TANC1: variants seen among roughly 807,000 people sequenced by gnomAD.
TANC1 encodes the protein protein TANC1.
In TANC1, 77 loss-of-function variants were observed where a neutral mutation model predicts 149.7. That is an observed-to-expected ratio of 0.51 (90% CI 0.43 to 0.62). The LOEUF (loss-of-function observed/expected upper bound fraction) is 0.62. Ranked by LOEUF, TANC1 falls within the 20% of genes least tolerant of loss-of-function variation. The probability of loss-of-function intolerance (pLI) is 0.00; values close to 1 mark genes in which losing one functional copy is unlikely to be tolerated. For missense variants in TANC1, 1,985 were observed against 2,321.8 expected (o/e 0.85, Z 2.98); for synonymous variants, 854 against 925.0 (o/e 0.92, Z 1.39).
chr2:159,025,213 C>CTTTCTTTCTTTCTT (rs915065038), intron 2 of TANC1, among the ~76,000 whole-genome samples: 1 of 132,234 alleles, frequency 7.6e-6, no homozygotes, highest in Non-Finnish European at 1.7e-5. Flanking sequence ...TTCTTTCTTT[C>CTTTCTTTCTTTCTT]TTTCTTTCTT....
chr2:159,175,496 G>A (rs6721087), intron 12 of TANC1, among the ~76,000 whole-genome samples: 103,441 of 152,138 alleles, frequency 0.68, 35,901 homozygotes, highest in East Asian at 0.95. Context: ...AGACTGTTGC[G>A]TATTTTGCAC....
intron 14 of TANC1, among the ~76,000 whole-genome samples, chr2:159,184,400 G>A (rs890029354): frequency 5.9e-5 from 9 of 152,282 alleles, no homozygotes; most frequent in African/African-American, 1.9e-4. Flanking sequence ...CAGAGAGGTG[G>A]GATGCCCTGT....
intron 2 of TANC1, among the ~76,000 whole-genome samples, chr2:159,005,531 T>G (rs1450989660): frequency 6.6e-6 from 1 of 152,156 alleles, no homozygotes; most frequent in Non-Finnish European, 1.5e-5. Flanking sequence ...GAGATTGCAG[T>G]GAGCTGAGAT....
intron 4 of TANC1, among the ~76,000 whole-genome samples, chr2:159,111,821 C>T (rs2047758217): frequency 6.6e-6 from 1 of 152,168 alleles, no homozygotes; most frequent in South Asian, 2.1e-4. Context: ...AGGCTTCTAT[C>T]TTGGGCTGTT....
At chr2:158,987,418 T>C (rs1573974475) in intron 1 of TANC1, among the ~76,000 whole-genome samples, 1 of 151,484 alleles carries the variant, frequency 6.6e-6, no homozygotes, top group Admixed American at 6.6e-5. Flanking sequence ...TCCAGCTACT[T>C]GGGTGGCTGG....
intron 7 of TANC1, among the ~76,000 whole-genome samples, chr2:159,159,203 T>C (rs1300864748): frequency 6.6e-6 from 1 of 152,090 alleles, no homozygotes; most frequent in Non-Finnish European, 1.5e-5. Context: ...CCTAGCACTT[T>C]AGGAGGCCAA....
intron 1 of TANC1, among the ~76,000 whole-genome samples, chr2:158,987,852 G>T (rs964041451): frequency 3.9e-5 from 6 of 152,148 alleles, no homozygotes; most frequent in African/African-American, 1.2e-4. Context: ...CTGAATCTTG[G>T]GCGGGAAGGT....
chr2:159,097,876 T>C (rs781185494), intron 4 of TANC1, 42 bp downstream of exon 4: 5 of 1,556,396 alleles, frequency 3.2e-6, no homozygotes, highest in Non-Finnish European at 4.4e-6. Context: ...ATATATGTAG[T>C]ACCTGCATTG....
At chr2:159,070,933 GA>G (rs2043105506) in intron 3 of TANC1, among the ~76,000 whole-genome samples, 3 of 152,090 alleles carry the variant, frequency 2.0e-5, no homozygotes, top group Admixed American at 2.0e-4. Flanking sequence ...TGGTCTCCAA[GA>G]AATGAAACAT....
chr2:159,230,234 C>G lies in TANC1; in HGVS notation c.4808C>G (p.Pro1603Arg), dbSNP rs200832873. ...GGCCACTTTGGGGATCGGCTGGGCC[C>G]CAGCCAGAATGTCCGCCTGCAGTGT... The part of the protein sequence containing the change: ...GCGHFGDRLG[P>R]SQNVRLQCGE... The change falls in exon 27 of 27, where the codon CCC becomes CGC. Residue 1603 changes from proline (P) to arginine (R), a missense_variant. This residue lies in a region of TANC1 where 920 missense variants were observed against 994.7 expected (regional missense o/e 0.92). Transcript: ENST00000263635. This position sits in a 1 kb window ranked among gnomAD's most constrained non-coding sequence, Gnocchi z 4.4. 6.8e-6 allele frequency: 11 copies of G among 1,613,844 alleles called. No homozygotes were observed. The highest frequency in any genetic ancestry group is 1.3e-5 in the African/African-American group (1 of 74,948).
At chr2:158,977,184 A>G (rs1483722197) in intron 1 of TANC1, among the ~76,000 whole-genome samples, 4 of 152,116 alleles carry the variant, frequency 2.6e-5, no homozygotes, top group Admixed American at 6.5e-5. Flanking sequence ...CTGTTGCCCA[A>G]GCTGGAGTAC....
intron 5 of TANC1, among the ~76,000 whole-genome samples, chr2:159,136,978 A>G (rs1486546125): frequency 6.6e-6 from 1 of 152,188 alleles, no homozygotes; most frequent in African/African-American, 2.4e-5. Flanking sequence ...GGAGTCCCCA[A>G]CTCACATCTC....
intron 22 of TANC1, among the ~76,000 whole-genome samples, chr2:159,222,664 G>A (rs1036823449): frequency 1.1e-4 from 16 of 152,148 alleles, no homozygotes; most frequent in Non-Finnish European, 1.8e-4. Flanking sequence ...TTGCTTCTAT[G>A]TTTTTTGCTG....
chr2:159,065,953 G>A lies in TANC1; in HGVS notation c.43G>A (p.Gly15Arg). 3.1e-6 allele frequency: 5 copies of A among 1,613,852 alleles called. No homozygotes were observed. The highest frequency in any genetic ancestry group is 3.4e-6 in the Non-Finnish European group (4 of 1,179,718). ...GAAGAAGAGCCGAGAGGGAGGAAAG[G>A]GAGGCAAGAAGGAAGCAGGTATGTG... Reference protein sequence around the residue: ...VLKKSREGGKGGKKEAGSDFG... With the variant: ...VLKKSREGGKRGKKEAGSDFG... Residue 15 changes from glycine (G) to arginine (R), a missense_variant, in exon 3 of 27, where the codon GGA (glycine) becomes AGA (arginine). By Grantham distance (125) the Gly-to-Arg change is moderately radical. Transcript: ENST00000263635.
At position 159,091,197 on chromosome 2, in the gene TANC1, C is replaced by T. The variant is rs150473183; in HGVS notation, c.62-6440C>T. Among the ~76,000 whole-genome samples, 15 of 152,220 alleles carry T rather than the reference C, an allele frequency of 9.9e-5. No individual in the cohort carries two copies. In the East Asian group the frequency reaches 1.7e-3, roughly 18 times the overall value. ...TACTGAGACAGTGGACTCTGGATCC[C>T]GCTGCCTGGGTTCAGACTCAGCTCT... On this transcript the variant is annotated intron_variant, in intron 3 of 26. Coordinates refer to ENST00000263635, the MANE Select transcript of TANC1 (RefSeq NM_033394.3).
Position 159,169,281 on chromosome 2 carries a change from T to A in TANC1, c.978T>A (p.Ser326Arg), listed in dbSNP as rs1395692268. Residue 326 changes from serine to arginine, a missense_variant, in exon 9 of 27, where the codon AGT becomes AGA. Ser to Arg is a moderately radical substitution (Grantham distance 110). Around this residue, in one of 3 missense-constraint regions of TANC1, gnomAD observed 557 missense variants for 612.9 expected, o/e 0.91. Transcript: ENST00000263635. Reference sequence around the variant, plus strand: ...GCTCAACCAAATTGGAAGATCTGAGTTATTTAGACGGGCAGAGAAATGCTC... The same window carrying A: ...GCTCAACCAAATTGGAAGATCTGAGATATTTAGACGGGCAGAGAAATGCTC... ...ATSSTKLEDL[S>R]YLDGQRNAPL... 4 of 1,613,810 alleles carry A rather than the reference T, an allele frequency of 2.5e-6. No individual in the cohort carries two copies. The highest frequency in any genetic ancestry group is 1.1e-5 in the South Asian group (1 of 91,060).
In TANC1 at chr2:159,229,747, A is replaced by G; in HGVS notation, c.4321A>G (p.Asn1441Asp). The G allele has an allele frequency of 6.2e-7, 1 of 1,614,038 alleles. No homozygotes were observed. Among genetic ancestry groups the G allele is most frequent in the Non-Finnish European group, 8.5e-7 (1 of 1,179,982 alleles). The stretch of plus-strand genomic sequence containing the variant: ...ACCAGCTCCACTCAACGACTCCGAG[A>G]ACGAAGAGGACACCCCAACCCCTGG... ...PLPAPLNDSE[N>D]EEDTPTPGLS... The change falls in exon 27 of 27, where the codon AAC becomes GAC. Residue 1441 changes from asparagine (N) to aspartate (D), a missense_variant. By Grantham distance (23) the Asn-to-Asp change is conservative (BLOSUM62 1). Transcript: ENST00000263635.
At chr2:159,017,360 C>G (rs2038383826) in intron 2 of TANC1, among the ~76,000 whole-genome samples, 1 of 152,148 alleles carries the variant, frequency 6.6e-6, no homozygotes, top group Non-Finnish European at 1.5e-5. Flanking sequence ...TTTTAAGGAA[C>G]CTTTTATGCC....
In TANC1 at chr2:159,004,574, G is replaced by T. The variant is rs189025177; in HGVS notation, c.-16+3385G>T. ...AGGGTGTTTTGGTTTTTAATTCCTGGTTTTTTTGTTTTTTGTTTGGGGTAT... is the reference window on the plus strand; with the variant it reads ...AGGGTGTTTTGGTTTTTAATTCCTGTTTTTTTTGTTTTTTGTTTGGGGTAT... On this transcript the variant is annotated intron_variant, in intron 2 of 26. Transcript: ENST00000263635. 2.6e-3 allele frequency among the ~76,000 whole-genome samples: 400 copies of T among 151,744 alleles called. 3 individuals carry two copies. The highest frequency in any genetic ancestry group is 8.9e-3 in the African/African-American group (368 of 41,342).
Sources: gnomAD v4.1 joint callset for allele counts (sites outside exome capture counted in the v4.1 genomes callset) on GRCh38, gnomAD v4.1.1 for gene constraint, gnomAD v4.1.1 regional missense constraint, Gnocchi (gnomAD v3.1) non-coding constraint, MANE v1.5 for transcripts, NCBI Gene and HGNC (gene_info 2026-07-23, HGNC 2026-07-21) for gene names.